RERE: variants seen among roughly 807,000 people sequenced by gnomAD.
RERE encodes arginine-glutamic acid dipeptide repeats.
A neutral mutation model predicts 146.1 loss-of-function variants in RERE; 40 were observed. The ratio of observed to expected loss-of-function variants is 0.27; its 90% CI spans 0.21 to 0.36. The LOEUF (loss-of-function observed/expected upper bound fraction) is 0.36, where lower values mean the gene tolerates loss of function less well. RERE is among the 10% of genes least tolerant of loss of function. RERE has a pLI of 1.00. For missense variants in RERE, 1,933 were observed against 2,138.7 expected, an observed-to-expected ratio of 0.90 and a Z score of 1.90; for synonymous variants, 1,003 against 866.0, an observed-to-expected ratio of 1.16 and a Z score of -2.78.
chr1:8,540,724 G>A (rs1645790149), intron 7 of RERE, among the ~76,000 whole-genome samples: 1 of 152,122 alleles, frequency 6.6e-6, no homozygotes, highest in South Asian at 2.1e-4. Context: ...AACTTGATGT[G>A]TCTGACTCAT....
intron 11 of RERE, among the ~76,000 whole-genome samples, chr1:8,446,689 C>CT (rs1456903805): frequency 3.3e-5 from 5 of 151,912 alleles, no homozygotes; most frequent in East Asian, 1.9e-4. Flanking sequence ...CTTTTCTTTT[C>CT]TTTTTTTTAG....
At chr1:8,777,864 A>C (rs1221240002) in intron 1 of RERE, among the ~76,000 whole-genome samples, 1 of 149,236 alleles carries the variant, frequency 6.7e-6, no homozygotes, top group Non-Finnish European at 1.5e-5. Flanking sequence ...ATAAAAGTAT[A>C]TGGTATAAAA....
chr1:8,541,204 A>T lies in RERE; in HGVS notation c.830+10T>A. 1 of 1,431,740 alleles carries T rather than the reference A, an allele frequency of 7.0e-7. No individual in the cohort carries two copies. Among genetic ancestry groups the T allele is most frequent in the African/African-American group, 1.4e-5 (1 of 70,882 alleles). 88.7% of individuals were successfully genotyped at this position (1,431,740 alleles called of 1,614,324 possible). On this transcript the variant is annotated intron_variant, in intron 7 of 22. Transcript: ENST00000400908. The stretch of plus-strand genomic sequence containing the variant: ...AGTTCTCAATGAATGGACACAAGTG[A>T]CTCACTTACCTTGTCTCAGGGTTAT...
intron 2 of RERE, among the ~76,000 whole-genome samples, chr1:8,653,715 A>G (rs965419883): frequency 4.6e-5 from 7 of 151,748 alleles, no homozygotes; most frequent in African/African-American, 1.7e-4. Context: ...AAAAAAAAAA[A>G]AGGGTTAACA....
chr1:8,648,776 T>C (rs1172522126), intron 2 of RERE, among the ~76,000 whole-genome samples: 2 of 152,088 alleles, frequency 1.3e-5, no homozygotes, highest in Non-Finnish European at 2.9e-5. Flanking sequence ...AACCACAAAC[T>C]TATATACATA....
intron 4 of RERE, among the ~76,000 whole-genome samples, chr1:8,607,044 C>T (rs1425892136): frequency 1.3e-5 from 2 of 151,978 alleles, no homozygotes; most frequent in East Asian, 3.9e-4. Flanking sequence ...TCTCTTCTTC[C>T]ATTGAAGGCC....
intron 12 of RERE, chr1:8,381,008 A>T (rs1344541635): frequency 2.2e-6 from 1 of 456,578 alleles, no homozygotes. Flanking sequence ...TGACCCCAGG[A>T]TCTCCTTGGG....
At chr1:8,464,710 T>C (rs371686180) in intron 11 of RERE, among the ~76,000 whole-genome samples, 1 of 152,190 alleles carries the variant, frequency 6.6e-6, no homozygotes, top group African/African-American at 2.4e-5. Context: ...GCTGCCTTCC[T>C]CACCTTACTA....
At chr1:8,513,331 TG>T (rs1049737761) in intron 7 of RERE, among the ~76,000 whole-genome samples, 1 of 152,234 alleles carries the variant, frequency 6.6e-6, no homozygotes, top group African/African-American at 2.4e-5. Context: ...CATTATTTTA[TG>T]TTTTTGCAAA....
intron 12 of RERE, among the ~76,000 whole-genome samples, chr1:8,398,636 A>T (rs1249055101): frequency 1.3e-5 from 2 of 152,172 alleles, no homozygotes; most frequent in African/African-American, 4.8e-5. Context: ...TGAAGTATTC[A>T]CTGAACTCTA....
At chr1:8,723,482 A>G (rs1342529317) in intron 1 of RERE, among the ~76,000 whole-genome samples, 2 of 152,184 alleles carry the variant, frequency 1.3e-5, no homozygotes, top group Non-Finnish European at 2.9e-5. Flanking sequence ...TAAAATCACT[A>G]TTAGAACACT....
At chr1:8,472,130 G>C (rs969632649) in intron 10 of RERE, among the ~76,000 whole-genome samples, 1 of 152,130 alleles carries the variant, frequency 6.6e-6, no homozygotes, top group Non-Finnish European at 1.5e-5. Flanking sequence ...TCTTTCTTTA[G>C]ATGAGGATAA....
intron 4 of RERE, among the ~76,000 whole-genome samples, chr1:8,592,030 A>AC (rs1377070809): frequency 2.6e-5 from 4 of 152,244 alleles, no homozygotes; most frequent in Admixed American, 1.3e-4. Context: ...GAAGGAAAAA[A>AC]CACTGTAATG....
chr1:8,772,528 A>T (rs1640972251), intron 1 of RERE, among the ~76,000 whole-genome samples: 1 of 152,196 alleles, frequency 6.6e-6, no homozygotes, highest in South Asian at 2.1e-4. Context: ...TAATCCCAGC[A>T]CTTTGAAAGG....
chr1:8,770,520 C>T (rs1226258347), intron 1 of RERE, among the ~76,000 whole-genome samples: 1 of 152,126 alleles, frequency 6.6e-6, no homozygotes, highest in Non-Finnish European at 1.5e-5. Flanking sequence ...ACTTATAGCC[C>T]TACTACGTAC....
chr1:8,567,440 A>G (rs1168019489), intron 4 of RERE, among the ~76,000 whole-genome samples: 1 of 152,236 alleles, frequency 6.6e-6, no homozygotes, highest in East Asian at 1.9e-4. Context: ...AATGTACTGA[A>G]GCACAGGCTC....
At chr1:8,736,008 T>C (rs1640189295) in intron 1 of RERE, among the ~76,000 whole-genome samples, 1 of 152,184 alleles carries the variant, frequency 6.6e-6, no homozygotes, top group South Asian at 2.1e-4. Flanking sequence ...TGTTGTAATA[T>C]AAAATCCTAA....
intron 1 of RERE, among the ~76,000 whole-genome samples, chr1:8,811,994 G>A (rs1641821721): frequency 1.3e-5 from 2 of 152,206 alleles, no homozygotes; most frequent in South Asian, 4.1e-4. Flanking sequence ...ATTCCAGTAT[G>A]TATGAGGCAC....
At chr1:8,663,520 A>T (rs372375935) in intron 1 of RERE, among the ~76,000 whole-genome samples, 2 of 152,208 alleles carry the variant, frequency 1.3e-5, no homozygotes, top group South Asian at 2.1e-4. Flanking sequence ...TCCCTCATGC[A>T]GATGAATACA....
Sources: allele counts gnomAD v4.1 joint callset (sites outside exome capture counted in the v4.1 genomes callset), GRCh38; gene constraint gnomAD v4.1.1; transcripts MANE v1.5; gene names NCBI Gene and HGNC (gene_info 2026-07-23, HGNC 2026-07-21).